PPP4R3A: variants seen among roughly 807,000 people sequenced by gnomAD.
PPP4R3A encodes serine/threonine-protein phosphatase 4 regulatory subunit 3A.
In PPP4R3A, 15 loss-of-function variants were observed where a neutral mutation model predicts 91.7. The observed-to-expected ratio is 0.16, with a 90% CI of 0.11 to 0.25. The LOEUF (loss-of-function observed/expected upper bound fraction) is 0.25. PPP4R3A is among the 10% of genes least tolerant of loss of function. The pLI, the probability that PPP4R3A is intolerant of heterozygous loss-of-function variation, is 1.00. For missense variants in PPP4R3A, 623 were observed against 998.4 expected, an observed-to-expected ratio of 0.62 and a Z score of 5.07; for synonymous variants, 377 against 348.7, an observed-to-expected ratio of 1.08 and a Z score of -0.91.
chr14:91,463,391 C>T (rs1429084462), intron 11 of PPP4R3A, among the ~76,000 whole-genome samples: 1 of 151,766 alleles, frequency 6.6e-6, no homozygotes, highest in Non-Finnish European at 1.5e-5. Flanking sequence ...AAAGTAAATG[C>T]CCAGGTCTTG....
intron 2 of PPP4R3A, among the ~76,000 whole-genome samples, chr14:91,490,095 C>CT (rs1890147755): frequency 6.6e-6 from 1 of 152,172 alleles, no homozygotes; most frequent in Middle Eastern, 3.2e-3. Context: ...ACTTCATTGG[C>CT]TATATAGAGC....
chr14:91,465,038 G>A (rs1567146071), intron 11 of PPP4R3A, among the ~76,000 whole-genome samples: 1 of 152,170 alleles, frequency 6.6e-6, no homozygotes, highest in Non-Finnish European at 1.5e-5. Context: ...ACCGGTCCGC[G>A]GCCAAGGGGT....
chr14:91,501,128 C>CA (rs919997530), intron 1 of PPP4R3A, among the ~76,000 whole-genome samples: 1 of 152,162 alleles, frequency 6.6e-6, no homozygotes, highest in Non-Finnish European at 1.5e-5. Flanking sequence ...AACTTCCTCT[C>CA]ACTGAAGAAA....
chr14:91,460,778 G>A (rs1002346224), intron 14 of PPP4R3A, among the ~76,000 whole-genome samples: 10 of 150,664 alleles, frequency 6.6e-5, no homozygotes, highest in African/African-American at 2.0e-4. Context: ...CCGCCACCAC[G>A]CCTGGCTAAT....
At chr14:91,507,329 A>AC (rs1204144932) in intron 1 of PPP4R3A, among the ~76,000 whole-genome samples, 8 of 138,350 alleles carry the variant, frequency 5.8e-5, no homozygotes, top group Non-Finnish European at 1.2e-4. Context: ...CTCAAAAAAA[A>AC]AATCTATACA....
intron 1 of PPP4R3A, among the ~76,000 whole-genome samples, chr14:91,507,451 GT>G (rs1891429064): frequency 9.2e-6 from 1 of 109,164 alleles, no homozygotes; most frequent in Non-Finnish European, 1.8e-5. Flanking sequence ...ATACTATATA[GT>G]ATATATACTA....
At chr14:91,484,432 T>G (rs1396395008) in intron 3 of PPP4R3A, among the ~76,000 whole-genome samples, 1 of 152,200 alleles carries the variant, frequency 6.6e-6, no homozygotes, top group East Asian at 1.9e-4. Flanking sequence ...AAAGTTTTAC[T>G]AGAAGACAGC....
At chr14:91,504,978 C>T (rs1490267995) in intron 1 of PPP4R3A, among the ~76,000 whole-genome samples, 2 of 152,158 alleles carry the variant, frequency 1.3e-5, no homozygotes, top group Non-Finnish European at 2.9e-5. Flanking sequence ...TTTAAAACTA[C>T]CCAGCCTTTC....
At position 91,481,669 on chromosome 14, in the gene PPP4R3A, A is replaced by G; in HGVS notation, c.822T>C (p.Val274=). The G allele has an allele frequency of 6.2e-7, 1 of 1,613,030 alleles. No individual in the cohort carries two copies. Among genetic ancestry groups the G allele is most frequent in the Non-Finnish European group, 8.5e-7 (1 of 1,179,794 alleles). ...TYRVQYIQDM[V]LPTPSVFEEN... is the part of the protein sequence containing the mutation. ...CTTCAAAGACCGAAGGAGTTGGTAG[A>G]ACCATATCTTGTATATACTGAACTC... The change falls in exon 4 of 15, where the codon GTT becomes GTC. Residue 274 remains valine, a synonymous_variant. Coordinates refer to ENST00000554943, the MANE Select transcript of PPP4R3A (RefSeq NM_001366432.2).
intron 1 of PPP4R3A, among the ~76,000 whole-genome samples, chr14:91,500,349 C>T (rs1423330910): frequency 1.3e-5 from 2 of 152,146 alleles, no homozygotes; most frequent in Non-Finnish European, 2.9e-5. Context: ...TACAGGCGCA[C>T]ACCACCACGC....
intron 1 of PPP4R3A, among the ~76,000 whole-genome samples, chr14:91,505,115 TGACTTTG>T (rs1891206628): frequency 6.6e-6 from 1 of 152,178 alleles, no homozygotes; most frequent in African/African-American, 2.4e-5. Flanking sequence ...AATAGATGAA[TGACTTTG>T]GACATGTTGT....
rs1891667452 is a variant in PPP4R3A at position 91,509,769 on chromosome 14, G to A, written c.-122C>T. On this transcript the variant is annotated 5_prime_UTR_variant, in exon 1 of 15. Coordinates refer to ENST00000554943, the MANE Select transcript of PPP4R3A (RefSeq NM_001366432.2). ...CGGAGGGCTCCCCGGCCTCACTGCCGCCGCTGGGCGCCGCGGGGCCGCGCC... is the reference window on the plus strand; with the variant it reads ...CGGAGGGCTCCCCGGCCTCACTGCCACCGCTGGGCGCCGCGGGGCCGCGCC... The A allele has an allele frequency of 3.9e-6, 5 of 1,282,412 alleles. No individual in the cohort carries two copies. The highest frequency in any genetic ancestry group is 3.9e-6 in the Non-Finnish European group (4 of 1,019,190). 79.4% of individuals were successfully genotyped at this position (1,282,412 alleles called of 1,614,324 possible).
intron 13 of PPP4R3A, chr14:91,461,813 CATATTTAGTATCCCTACCCTTCCTGAAAT>C (rs1456875583): frequency 1.2e-6 from 1 of 856,672 alleles, no homozygotes; most frequent in Admixed American, 3.1e-5. Context: ...CCTTCAGAAT[CATATTTAGTATCCCTACCCTTCCTGAAAT>C]AGTATATTCC....
intron 1 of PPP4R3A, among the ~76,000 whole-genome samples, chr14:91,495,030 T>G (rs1192769382): frequency 1.3e-5 from 2 of 152,122 alleles, no homozygotes; most frequent in Admixed American, 6.6e-5. Flanking sequence ...TGGAAAAGTT[T>G]GGCAGTTCCT....
intron 1 of PPP4R3A, among the ~76,000 whole-genome samples, chr14:91,500,293 C>G (rs971557418): frequency 1.3e-5 from 2 of 152,120 alleles, no homozygotes; most frequent in African/African-American, 4.8e-5. Context: ...CTCCACCTCC[C>G]GGGTTCAAGT....
rs137876365 is a variant in PPP4R3A at position 91,479,738 on chromosome 14, C to T, written c.915+1838G>A. On this transcript the variant is annotated intron_variant, in intron 4 of 14. Transcript: ENST00000554943. ...TGTATTTTTAGTAGAGACGGGGTTTCGCCATGTTGGCCAGGCTGGTCTTGA... is the reference window on the plus strand; with the variant it reads ...TGTATTTTTAGTAGAGACGGGGTTTTGCCATGTTGGCCAGGCTGGTCTTGA... Among the ~76,000 whole-genome samples the T allele has an allele frequency of 7.0e-3, 1,057 of 151,974 alleles. 6 individuals are homozygous for T. The highest frequency in any genetic ancestry group is 0.012 in the Non-Finnish European group (822 of 67,932).
intron 2 of PPP4R3A, among the ~76,000 whole-genome samples, chr14:91,490,216 A>C (rs1890158176): frequency 6.6e-6 from 1 of 152,226 alleles, no homozygotes; most frequent in Admixed American, 6.5e-5. Flanking sequence ...TTTACTTTCT[A>C]ATATTTTTTT....
At chr14:91,480,316 C>A (rs1889478470) in intron 4 of PPP4R3A, among the ~76,000 whole-genome samples, 1 of 152,094 alleles carries the variant, frequency 6.6e-6, no homozygotes, top group South Asian at 2.1e-4. Flanking sequence ...GATGGGGAAA[C>A]CGAAGCTTTA....
Position 91,462,039 on chromosome 14 carries a change from T to TC in PPP4R3A, c.2164+9dup. On this transcript the variant is annotated intron_variant, in intron 13 of 14. Coordinates refer to ENST00000554943, the MANE Select transcript of PPP4R3A (RefSeq NM_001366432.2). Reference sequence around the variant, plus strand: ...CTTAATTTTCTCTTGCCCATTTTTTTCCAACATACATTTCTTCCTTTCCAT... The same window carrying TC: ...CTTAATTTTCTCTTGCCCATTTTTTTCCCAACATACATTTCTTCCTTTCCAT... 1 of 1,492,582 alleles carries TC rather than the reference T, an allele frequency of 6.7e-7. No individual in the cohort carries two copies. Among genetic ancestry groups the TC allele is most frequent in the Non-Finnish European group, 8.9e-7 (1 of 1,122,132 alleles). 92.5% of individuals were successfully genotyped at this position (1,492,582 alleles called of 1,614,324 possible).
Sources: gnomAD v4.1 joint callset for allele counts (sites outside exome capture counted in the v4.1 genomes callset) on GRCh38, gnomAD v4.1.1 for gene constraint, MANE v1.5 for transcripts, NCBI Gene and HGNC (gene_info 2026-07-23, HGNC 2026-07-21) for gene names.